CYFIP1: variants seen among roughly 807,000 people sequenced by gnomAD.
CYFIP1 encodes cytoplasmic FMR1-interacting protein 1.
Under a neutral mutation model 163.5 loss-of-function variants are expected in CYFIP1, and 58 were observed. The ratio of observed to expected loss-of-function variants is 0.35; its 90% CI spans 0.29 to 0.44. The LOEUF is 0.44. Ranked by LOEUF, CYFIP1 falls within the 20% of genes least tolerant of loss-of-function variation. The pLI is 1.00. For missense variants in CYFIP1, 1,338 were observed against 1,653.8 expected (o/e 0.81, Z 3.31); for synonymous variants, 663 against 660.7 (o/e 1.00, Z -0.05).
At chr15:22,879,856 GTGGGGTGGGGTGGGGTGGGC>G in intron 26 of CYFIP1, 37 bp downstream of exon 26, 3 of 1,318,276 alleles carry the variant, frequency 2.3e-6, no homozygotes, top group Non-Finnish European at 3.1e-6. Context: ...CCCCTGGCCG[GTGGGGTGGGGTGGGGTGGGC>G]TGGGGCGGGG....
In CYFIP1 at chr15:22,904,194, C is replaced by T. The variant is rs1595558968; in HGVS notation, c.2389-289G>A. 1.6e-5 allele frequency: 8 copies of T among 498,984 alleles called. No individual in the cohort carries two copies. The East Asian group carries it at 2.5e-4, about 16-fold the overall frequency. 30.9% of individuals were successfully genotyped at this position (498,984 alleles called of 1,614,324 possible). On this transcript the variant is annotated intron_variant, in intron 21 of 30. Coordinates refer to ENST00000617928, the MANE Select transcript of CYFIP1 (RefSeq NM_014608.6). ...GTGCACGTGTGGCCTGCTACTGCCA[C>T]CCTTCCCCCCATGTGCCCGCTGAGC...
At chr15:22,937,956 G>T (rs761495773) in intron 8 of CYFIP1, among the ~76,000 whole-genome samples, 1 of 152,108 alleles carries the variant, frequency 6.6e-6, no homozygotes, top group African/African-American at 2.4e-5. Context: ...CCAGTGCTCC[G>T]CAGGGGCTCA....
intron 1 of CYFIP1, among the ~76,000 whole-genome samples, chr15:22,947,550 T>A (rs566625558): frequency 2.0e-4 from 31 of 152,102 alleles, no homozygotes; most frequent in African/African-American, 7.5e-4. Context: ...AGGGTCACAG[T>A]ATGGGGCACA....
chr15:22,873,025 C>T, intron 29 of CYFIP1, 53 bp from the exon 30 acceptor site: 5 of 1,593,032 alleles, frequency 3.1e-6, no homozygotes, highest in Non-Finnish European at 4.3e-6. Context: ...GTTATGAAGT[C>T]TTTTCTCAGT....
chr15:22,913,996 G>A (rs1005395378), intron 17 of CYFIP1, among the ~76,000 whole-genome samples: 4 of 152,208 alleles, frequency 2.6e-5, no homozygotes, highest in African/African-American at 7.2e-5. Context: ...CGGCTCCCCA[G>A]TCGCTCACCA....
At chr15:22,897,347 T>G (rs559057135) in intron 22 of CYFIP1, among the ~76,000 whole-genome samples, 33 of 151,980 alleles carry the variant, frequency 2.2e-4, no homozygotes, top group Middle Eastern at 3.4e-3. Context: ...TTGAATGTCT[T>G]GGGGGGCAGG....
At chr15:22,916,341 C>T in intron 16 of CYFIP1, 136 bp downstream of exon 16, 1 of 687,664 alleles carries the variant, frequency 1.5e-6, no homozygotes. Flanking sequence ...GCCACCGCCA[C>T]AGAGGGCAGG....
intron 13 of CYFIP1, among the ~76,000 whole-genome samples, chr15:22,920,702 T>G (rs2061147605): frequency 6.6e-6 from 1 of 152,172 alleles, no homozygotes; most frequent in South Asian, 2.1e-4. Context: ...AAGGAAAAAG[T>G]CTGGAAGAAA....
Position 22,884,229 on chromosome 15 carries a change from T to G in CYFIP1, c.2677-1218A>C, listed in dbSNP as rs2059869712. Among the ~76,000 whole-genome samples the G allele has an allele frequency of 3.9e-5, 6 of 152,148 alleles. 1 individual carries two copies. The highest frequency in any genetic ancestry group is 3.3e-4 in the Admixed American group (5 of 15,276). On this transcript the variant is annotated intron_variant, in intron 23 of 30. Transcript: ENST00000617928. Reference sequence around the variant, plus strand: ...AGTCTTAACTCATTCCAGCATTAATTCAAAAGTCCAAGTCCAAAGTCTCAT... The same window carrying G: ...AGTCTTAACTCATTCCAGCATTAATGCAAAAGTCCAAGTCCAAAGTCTCAT...
At chr15:22,959,598 A>G (rs1349454889) in intron 1 of CYFIP1, among the ~76,000 whole-genome samples, 1 of 152,186 alleles carries the variant, frequency 6.6e-6, no homozygotes, top group Non-Finnish European at 1.5e-5. Context: ...TGACAAAGCA[A>G]TTCCACCGCT....
chr15:22,965,058 G>A (rs201606162), intron 1 of CYFIP1, among the ~76,000 whole-genome samples: 1 of 127,926 alleles, frequency 7.8e-6, no homozygotes, highest in African/African-American at 2.8e-5. Context: ...GTGTGTGTGT[G>A]TGTGTGTGTG....
chr15:22,957,346 C>CA (rs1182385825), intron 1 of CYFIP1, among the ~76,000 whole-genome samples: 2 of 151,166 alleles, frequency 1.3e-5, no homozygotes, highest in Admixed American at 6.6e-5. Context: ...ACTAAAAATA[C>CA]AAAAAATTGG....
chr15:22,883,097 A>C (rs1365823921), intron 23 of CYFIP1, 86 bp from the exon 24 acceptor site: 1 of 1,510,550 alleles, frequency 6.6e-7, no homozygotes, highest in African/African-American at 1.4e-5. Context: ...CTCAACACAC[A>C]CAGGCTCAGG....
chr15:22,973,131 G>A (rs982368924), intron 1 of CYFIP1, among the ~76,000 whole-genome samples: 2 of 151,704 alleles, frequency 1.3e-5, no homozygotes, highest in African/African-American at 4.8e-5. Flanking sequence ...GTGAGACTCC[G>A]TCTCAAAAAA....
At chr15:22,939,597 G>C (rs1389997382) in intron 6 of CYFIP1, 90 bp from the exon 7 acceptor site, 5 of 969,944 alleles carry the variant, frequency 5.2e-6, no homozygotes, top group Non-Finnish European at 7.4e-6. Context: ...GTTCGAGTGG[G>C]ATCCCTTTCC....
In CYFIP1 at chr15:22,939,413, G is replaced by T; in HGVS notation, c.664C>A (p.Gln222Lys). Residue 222 changes from glutamine (Q) to lysine (K), a missense_variant and splice_region_variant, in exon 7 of 31, where the codon CAG (glutamine) becomes AAG (lysine). Gln to Lys is a moderately conservative substitution (Grantham distance 53, BLOSUM62 1). Around this residue, in one of 4 missense-constraint regions of CYFIP1, gnomAD observed 186 missense variants for 288.3 expected, o/e 0.65. Coordinates refer to ENST00000617928, the MANE Select transcript of CYFIP1 (RefSeq NM_014608.6). ...GAGTGTGCAAACACCAGCCTTACCT[G>T]TGTGATCTTGTTATGATTGGCCAGG... ...MFLANHNKIT[Q>K]SLQQQLEVIS... is the part of the protein sequence containing the mutation. The T allele has an allele frequency of 6.2e-7, 1 of 1,613,948 alleles. No homozygotes were observed. Among genetic ancestry groups the T allele is most frequent in the Non-Finnish European group, 8.5e-7 (1 of 1,179,994 alleles).
Position 22,947,058 on chromosome 15 carries a change from G to C in CYFIP1, c.152C>G (p.Ala51Gly), listed in dbSNP as rs757175111. 2 of 1,614,012 alleles carry C rather than the reference G, an allele frequency of 1.2e-6. No homozygotes were observed. The highest frequency in any genetic ancestry group is 1.3e-5 in the African/African-American group (1 of 74,918). Residue 51 changes from alanine to glycine, a missense_variant, in exon 3 of 31, where the codon GCA becomes GGA. Around this residue, in one of 4 missense-constraint regions of CYFIP1, gnomAD observed 186 missense variants for 288.3 expected, o/e 0.65. Coordinates refer to ENST00000617928, the MANE Select transcript of CYFIP1 (RefSeq NM_014608.6). ...GTATCTTGCGATGCCAGTAACAAAT[G>C]CATTTCTGTCTTCAAAGTTAGTGTT... is the stretch of plus-strand genomic sequence containing the variant. The part of the protein sequence containing the change: ...NFNTNFEDRN[A>G]FVTGIARYIE...
At chr15:22,945,574 A>T (rs930127234) in intron 3 of CYFIP1, among the ~76,000 whole-genome samples, 2 of 145,238 alleles carry the variant, frequency 1.4e-5, no homozygotes, top group Middle Eastern at 7.1e-3. Context: ...CGTTCATCAC[A>T]GTATTTTTTT....
intron 26 of CYFIP1, chr15:22,875,516 T>G (rs1682996402): frequency 8.4e-6 from 4 of 476,406 alleles, no homozygotes; most frequent in Non-Finnish European, 1.5e-5. Context: ...GAACTGAATT[T>G]TATTTTTAGT....
Sources: gnomAD v4.1 joint callset for allele counts (sites outside exome capture counted in the v4.1 genomes callset) on GRCh38, gnomAD v4.1.1 for gene constraint, gnomAD v4.1.1 regional missense constraint, MANE v1.5 for transcripts, NCBI Gene and HGNC (gene_info 2026-07-23, HGNC 2026-07-21) for gene names.